Variants in PIEZO2 observed in about 807,000 individuals in gnomAD.
The protein encoded by PIEZO2 is piezo type mechanosensitive ion channel component 2, also known as piezo-type mechanosensitive ion channel component 2.
PIEZO2 carries 172 observed loss-of-function variants against 337.3 expected under a neutral mutation model. The ratio of observed to expected loss-of-function variants is 0.51; its 90% CI spans 0.45 to 0.58. The LOEUF is 0.58. Ranked by LOEUF, PIEZO2 falls within the 20% of genes least tolerant of loss-of-function variation. PIEZO2 has a pLI of 0.00. For synonymous variants in PIEZO2, 1,251 were observed against 1,228.5 expected (o/e 1.02, Z -0.38); for missense variants, 3,028 against 3,391.3 (o/e 0.89, Z 2.66).
chr18:10,944,517 G>GATATATAT lies in PIEZO2; in HGVS notation c.287-33297_287-33290dup, dbSNP rs368272727. Among the ~76,000 whole-genome samples the GATATATAT allele has an allele frequency of 4.5e-3, 222 of 49,826 alleles. 2 individuals are homozygous for GATATATAT. The highest frequency in any genetic ancestry group is 0.016 in the East Asian group (39 of 2,452). 32.7% of individuals were successfully genotyped at this position (49,826 alleles called of 152,430 possible). A position where few individuals can be genotyped will look rare whatever the true frequency, so the allele number is the denominator to read the frequency against. The stretch of plus-strand genomic sequence containing the variant: ...TATATATATATATATCTTAGTAACA[G>GATATATAT]ATATATATATATATATATATATATA... On this transcript the variant is annotated intron_variant, in intron 3 of 55. Transcript: ENST00000674853.
chr18:10,966,636 T>C (rs925860557), intron 3 of PIEZO2, among the ~76,000 whole-genome samples: 1 of 152,092 alleles, frequency 6.6e-6, no homozygotes, highest in South Asian at 2.1e-4. Context: ...TTTTTATTTT[T>C]ATAGGTTTTT....
rs538563419 is a variant in PIEZO2, at chr18:11,101,142, G to A, written c.65-34920C>T. The stretch of plus-strand genomic sequence containing the variant: ...GTTTCATGAGCTTCCCCACCACTAA[G>A]TGGAATCCTAAATCAGGTTCATCCA... On this transcript the variant is annotated intron_variant, in intron 1 of 55. Transcript: ENST00000674853. This position sits in a 1 kb window ranked among gnomAD's most constrained non-coding sequence, Gnocchi z 4.4. 1.3e-5 allele frequency among the ~76,000 whole-genome samples: 2 copies of A among 152,340 alleles called. No homozygotes were observed. Among genetic ancestry groups the A allele is most frequent in the African/African-American group, 2.4e-5 (1 of 41,574 alleles).
chr18:10,864,638 AAAAGCATCCTTCT>A (rs1455093583), intron 5 of PIEZO2, among the ~76,000 whole-genome samples: 2 of 152,232 alleles, frequency 1.3e-5, no homozygotes. Context: ...CCATAGATAA[AAAAGCATCCTTCT>A]CTGAAGCCCT....
Position 10,914,331 on chromosome 18 carries a change from G to C in PIEZO2, c.287-3103C>G, listed in dbSNP as rs534736693. Among the ~76,000 whole-genome samples, 181 of 152,042 alleles carry C rather than the reference G, an allele frequency of 1.2e-3. 2 individuals are homozygous for C. In the South Asian group the frequency reaches 0.013, roughly 11 times the overall value. On this transcript the variant is annotated intron_variant, in intron 3 of 55. Coordinates refer to ENST00000674853, the MANE Select transcript of PIEZO2 (RefSeq NM_001378183.1). ...AATTAAAAGGAAAATATATAGCATG[G>C]AGAATGGATGTCCAGTCATCTCTCA...
At position 11,111,208 on chromosome 18, in the gene PIEZO2, C is replaced by G. The variant is rs1232202106; in HGVS notation, c.64+37317G>C. Among the ~76,000 whole-genome samples, 2 of 152,166 alleles carry G rather than the reference C, an allele frequency of 1.3e-5. No individual in the cohort carries two copies. Among genetic ancestry groups the G allele is most frequent in the Non-Finnish European group, 2.9e-5 (2 of 68,020 alleles). The stretch of plus-strand genomic sequence containing the variant: ...AGGGCTCTGACGCCAGCCCAGGACT[C>G]TGGCCGCACCTGGGTCCCCCAGATG... On this transcript the variant is annotated intron_variant, in intron 1 of 55. Transcript: ENST00000674853. The surrounding 1 kb of genome is among the most constrained non-coding windows in gnomAD (Gnocchi z 6.2).
rs557737067 is a variant in PIEZO2, at chr18:10,767,881, C to T, written c.2946+2267G>A. 1.3e-5 allele frequency among the ~76,000 whole-genome samples: 2 copies of T among 152,146 alleles called. No homozygotes were observed. The highest frequency in any genetic ancestry group is 2.4e-5 in the African/African-American group (1 of 41,432). On this transcript the variant is annotated intron_variant, in intron 21 of 55. Transcript: ENST00000674853. The surrounding 1 kb of genome is among the most constrained non-coding windows in gnomAD (Gnocchi z 4.2). The stretch of plus-strand genomic sequence containing the variant: ...GGCTGTGGGATGCCCCACCGTGGAG[C>T]CTCCAGGAGGGCAAGGGCAGGTTTA...
At chr18:10,689,399 A>G (rs1159815174) in intron 49 of PIEZO2, among the ~76,000 whole-genome samples, 1 of 152,246 alleles carries the variant, frequency 6.6e-6, no homozygotes. Flanking sequence ...GGATATAGCA[A>G]GCAATATACC....
Position 11,018,382 on chromosome 18 carries a change from C to CGTGTGTGTGTGTGT in PIEZO2, c.161-38736_161-38723dup, listed in dbSNP as rs376013388. On this transcript the variant is annotated intron_variant, in intron 2 of 55. Transcript: ENST00000674853. The stretch of plus-strand genomic sequence containing the variant: ...CTGGGGGTTAGGACTCCCAACATGT[C>CGTGTGTGTGTGTGT]GTGTGTGTGTGTGTGTGTGTGTGTG... Among the ~76,000 whole-genome samples the CGTGTGTGTGTGTGT allele has an allele frequency of 2.3e-3, 258 of 114,188 alleles. 6 individuals carry two copies. The highest frequency in any genetic ancestry group is 0.01 in the East Asian group (37 of 3,656). 74.9% of individuals were successfully genotyped at this position (114,188 alleles called of 152,430 possible). A position where few individuals can be genotyped will look rare whatever the true frequency, so the allele number is the denominator to read the frequency against.
Position 10,878,930 on chromosome 18 carries a change from G to A in PIEZO2, c.330-7515C>T, listed in dbSNP as rs921930542. On this transcript the variant is annotated intron_variant, in intron 4 of 55. Transcript: ENST00000674853. This position sits in a 1 kb window ranked among gnomAD's most constrained non-coding sequence, Gnocchi z 4.3. ...TGTTTTCACAATGAGTGTCAGGTGTGGTTAGGACTTTCAGGTGCAGAGGTG... is the reference window on the plus strand; with the variant it reads ...TGTTTTCACAATGAGTGTCAGGTGTAGTTAGGACTTTCAGGTGCAGAGGTG... Among the ~76,000 whole-genome samples the A allele has an allele frequency of 3.3e-5, 5 of 152,208 alleles. No homozygotes were observed. The highest frequency in any genetic ancestry group is 2.1e-4 in the South Asian group (1 of 4,832).
intron 3 of PIEZO2, among the ~76,000 whole-genome samples, chr18:10,930,769 T>C (rs888628865): frequency 2.0e-5 from 3 of 152,228 alleles, no homozygotes; most frequent in African/African-American, 7.2e-5. Flanking sequence ...AACAAAGACA[T>C]AGGCAGTTAT....
intron 3 of PIEZO2, among the ~76,000 whole-genome samples, chr18:10,949,301 A>G (rs367902722): frequency 3.3e-5 from 5 of 152,344 alleles, no homozygotes; most frequent in East Asian, 1.9e-4. Flanking sequence ...CACATAATCA[A>G]TGCAATACAC....
intron 1 of PIEZO2, among the ~76,000 whole-genome samples, chr18:11,133,655 A>C (rs2040400793): frequency 6.6e-6 from 1 of 151,974 alleles, no homozygotes; most frequent in Non-Finnish European, 1.5e-5. Flanking sequence ...CCTGTGCTGG[A>C]TCCTTCCTGC....
intron 4 of PIEZO2, among the ~76,000 whole-genome samples, chr18:10,891,833 C>T (rs557706700): frequency 6.6e-6 from 1 of 152,186 alleles, no homozygotes; most frequent in African/African-American, 2.4e-5. Flanking sequence ...AAAGGTAAAG[C>T]TTCTGTTAAG....
chr18:10,915,568 C>T (rs2145099210), intron 3 of PIEZO2, among the ~76,000 whole-genome samples: 1 of 152,208 alleles, frequency 6.6e-6, no homozygotes, highest in Admixed American at 6.5e-5. Flanking sequence ...ATTAACATAG[C>T]AATAAAACAG....
chr18:10,961,057 C>T (rs2062180), intron 3 of PIEZO2, among the ~76,000 whole-genome samples: 77,816 of 151,542 alleles, frequency 0.51, 20,289 homozygotes, highest in African/African-American at 0.57. Flanking sequence ...GGCGGGCACC[C>T]GTAGTCCCAG....
At chr18:10,924,650 C>A (rs1489782701) in intron 3 of PIEZO2, among the ~76,000 whole-genome samples, 1 of 152,146 alleles carries the variant, frequency 6.6e-6, no homozygotes. Flanking sequence ...ACAAAAATTT[C>A]TCTTTTGAGA....
At chr18:10,840,582 T>C (rs2041159474) in intron 7 of PIEZO2, among the ~76,000 whole-genome samples, 1 of 152,132 alleles carries the variant, frequency 6.6e-6, no homozygotes, top group African/African-American at 2.4e-5. Context: ...TCTAGCTCAA[T>C]ACAAGTAATC....
intron 3 of PIEZO2, among the ~76,000 whole-genome samples, chr18:10,959,925 C>G (rs2033694163): frequency 6.6e-6 from 1 of 152,094 alleles, no homozygotes; most frequent in South Asian, 2.1e-4. Context: ...CTCTTATTTC[C>G]TAAACACTGA....
In PIEZO2 at chr18:10,775,796, G is replaced by A. The variant is rs148995743; in HGVS notation, c.2535-1758C>T. 9.2e-5 allele frequency among the ~76,000 whole-genome samples: 14 copies of A among 152,126 alleles called. No homozygotes were observed. Among genetic ancestry groups the A allele is most frequent in the Admixed American group, 5.2e-4 (8 of 15,266 alleles). On this transcript the variant is annotated intron_variant, in intron 18 of 55. Coordinates refer to ENST00000674853, the MANE Select transcript of PIEZO2 (RefSeq NM_001378183.1). This position sits in a 1 kb window ranked among gnomAD's most constrained non-coding sequence, Gnocchi z 4.3. ...TTGTAATGGGACAAGATGCAGCTGC[G>A]GACAAATGAGAAGGGCATCTCTGCA...
Sources: allele counts gnomAD v4.1 joint callset (sites outside exome capture counted in the v4.1 genomes callset), GRCh38; gene constraint gnomAD v4.1.1; non-coding constraint Gnocchi (gnomAD v3.1); transcripts MANE v1.5; gene names NCBI Gene and HGNC (gene_info 2026-07-23, HGNC 2026-07-21).